The following CACNB4 variants were observed in gnomAD, a reference collection of about 807,000 sequenced individuals.
CACNB4 encodes voltage-dependent L-type calcium channel subunit beta-4.
CACNB4 carries 32 observed loss-of-function variants against 71.2 expected under a neutral mutation model. The observed-to-expected ratio is 0.45, with a 90% CI of 0.34 to 0.60. The LOEUF (loss-of-function observed/expected upper bound fraction) is 0.60. Among genes scored for constraint, CACNB4 ranks in the 20% least tolerant of loss-of-function variants. CACNB4 has a pLI of 0.01. For missense variants in CACNB4, 464 were observed against 647.9 expected (o/e 0.72, Z 3.08); for synonymous variants, 231 against 236.9 (o/e 0.97, Z 0.23).
intron 5 of CACNB4, among the ~76,000 whole-genome samples, chr2:151,874,733 T>C (rs927474551): frequency 6.6e-6 from 1 of 152,180 alleles, no homozygotes; most frequent in Non-Finnish European, 1.5e-5. Flanking sequence ...TGCTTCTATT[T>C]TAGAACTTTC....
intron 2 of CACNB4, among the ~76,000 whole-genome samples, chr2:151,923,311 G>T (rs942174192): frequency 1.3e-5 from 2 of 152,144 alleles, no homozygotes; most frequent in African/African-American, 4.8e-5. Context: ...CACCTCATTT[G>T]CCCTCTCAGT....
intron 10 of CACNB4, among the ~76,000 whole-genome samples, chr2:151,855,824 A>G (rs2099840148): frequency 6.6e-6 from 1 of 152,196 alleles, no homozygotes; most frequent in Non-Finnish European, 1.5e-5. Flanking sequence ...CTTTGTGGAC[A>G]TGCTTCTTTT....
At chr2:152,076,374 G>A (rs1197285166) in intron 2 of CACNB4, among the ~76,000 whole-genome samples, 5 of 149,150 alleles carry the variant, frequency 3.4e-5, no homozygotes, top group African/African-American at 1.2e-4. Context: ...ATGTTGGTCA[G>A]GCTGGTCTTG....
chr2:151,935,000 T>A (rs1420339621), intron 2 of CACNB4, among the ~76,000 whole-genome samples: 1 of 152,226 alleles, frequency 6.6e-6, no homozygotes, highest in Non-Finnish European at 1.5e-5. Context: ...CAAGTAAAGG[T>A]AGCAGTGATG....
chr2:152,085,119 G>T (rs537257657), intron 2 of CACNB4, among the ~76,000 whole-genome samples: 1 of 152,254 alleles, frequency 6.6e-6, no homozygotes, highest in South Asian at 2.1e-4. Flanking sequence ...AATGGGGAAA[G>T]CACTTTAAGG....
At chr2:151,845,403 C>G (rs1026258878) in intron 12 of CACNB4, among the ~76,000 whole-genome samples, 1 of 152,208 alleles carries the variant, frequency 6.6e-6, no homozygotes, top group African/African-American at 2.4e-5. Flanking sequence ...GCCTGTATAT[C>G]TGTGACAATT....
intron 2 of CACNB4, among the ~76,000 whole-genome samples, chr2:151,925,835 T>C (rs2099860104): frequency 6.6e-6 from 1 of 152,064 alleles, no homozygotes; most frequent in South Asian, 2.1e-4. Context: ...GACTTGCTGA[T>C]GGATTGGATG....
chr2:151,944,078 G>C (rs2099864960), intron 2 of CACNB4, among the ~76,000 whole-genome samples: 1 of 149,930 alleles, frequency 6.7e-6, no homozygotes, highest in African/African-American at 2.5e-5. Context: ...GCCCAGGCTG[G>C]AGTGCAATGG....
chr2:151,947,930 G>T (rs1204631625), intron 2 of CACNB4, among the ~76,000 whole-genome samples: 7 of 152,214 alleles, frequency 4.6e-5, no homozygotes, highest in Admixed American at 2.6e-4. Context: ...AGGAGTCTTG[G>T]CCGAGGCTGC....
At chr2:151,894,554 A>G (rs2099851537) in intron 2 of CACNB4, among the ~76,000 whole-genome samples, 1 of 152,244 alleles carries the variant, frequency 6.6e-6, no homozygotes, top group African/African-American at 2.4e-5. Context: ...TGAAAGATTT[A>G]GCCAGAGCCA....
intron 2 of CACNB4, among the ~76,000 whole-genome samples, chr2:151,908,221 G>C (rs1209580345): frequency 6.6e-6 from 1 of 152,202 alleles, no homozygotes; most frequent in East Asian, 1.9e-4. Context: ...AGAAAATAAG[G>C]AGATCATTTG....
chr2:151,934,184 G>A (rs1298978809), intron 2 of CACNB4, among the ~76,000 whole-genome samples: 4 of 152,204 alleles, frequency 2.6e-5, no homozygotes, highest in African/African-American at 9.7e-5. Flanking sequence ...GAAAGGGAGT[G>A]TTACCTATGT....
At chr2:152,086,212 A>G (rs904716800) in intron 2 of CACNB4, among the ~76,000 whole-genome samples, 1 of 152,354 alleles carries the variant, frequency 6.6e-6, no homozygotes, top group Admixed American at 6.5e-5. Flanking sequence ...TTCATTTTGC[A>G]TGAGCAAGAG....
At chr2:151,933,868 A>G (rs903060240) in intron 2 of CACNB4, among the ~76,000 whole-genome samples, 1 of 147,100 alleles carries the variant, frequency 6.8e-6, no homozygotes, top group Non-Finnish European at 1.5e-5. Context: ...TAGCAACTCA[A>G]TATATAAAAT....
At chr2:152,079,780 T>C (rs1687254662) in intron 2 of CACNB4, among the ~76,000 whole-genome samples, 2 of 152,044 alleles carry the variant, frequency 1.3e-5, no homozygotes, top group Admixed American at 1.3e-4. Flanking sequence ...AGCGATATCC[T>C]GTCTCAAAAA....
chr2:152,085,353 C>T (rs1192123477), intron 2 of CACNB4, among the ~76,000 whole-genome samples: 5 of 152,116 alleles, frequency 3.3e-5, no homozygotes, highest in Non-Finnish European at 7.4e-5. Context: ...AAGTCAAATT[C>T]CCATAATGTA....
chr2:152,065,864 C>A (rs2105350357), intron 2 of CACNB4, among the ~76,000 whole-genome samples: 1 of 152,248 alleles, frequency 6.6e-6, no homozygotes, highest in East Asian at 1.9e-4. Context: ...GTCTCAGACT[C>A]CCAAGTAGCT....
At chr2:152,054,228 T>C (rs1221340005) in intron 2 of CACNB4, among the ~76,000 whole-genome samples, 1 of 151,210 alleles carries the variant, frequency 6.6e-6, no homozygotes, top group Non-Finnish European at 1.5e-5. Context: ...TAGCCGGGCG[T>C]GGTGGCGCGC....
At chr2:152,077,712 C>G (rs1687115794) in intron 2 of CACNB4, among the ~76,000 whole-genome samples, 1 of 152,106 alleles carries the variant, frequency 6.6e-6, no homozygotes, top group South Asian at 2.1e-4. Context: ...GCCTGGGCGA[C>G]AGAGGGACAC....
Sources: allele counts gnomAD v4.1 joint callset (sites outside exome capture counted in the v4.1 genomes callset), GRCh38; gene constraint gnomAD v4.1.1; transcripts MANE v1.5; gene names NCBI Gene and HGNC (gene_info 2026-07-23, HGNC 2026-07-21).